Variants in DPY19L2 observed in about 807,000 individuals in gnomAD.
DPY19L2 encodes dpy-19 like 2, also known as probable C-mannosyltransferase DPY19L2.
In DPY19L2, 34 loss-of-function variants were observed where a neutral mutation model predicts 97.9. That is an observed-to-expected ratio of 0.35 (90% CI 0.26 to 0.46). The LOEUF (loss-of-function observed/expected upper bound fraction) is 0.46, where lower values mean the gene tolerates loss of function less well. Among genes scored for constraint, DPY19L2 ranks in the 20% least tolerant of loss-of-function variants. DPY19L2 has a pLI of 1.00. For missense variants in DPY19L2, 623 were observed against 911.4 expected (o/e 0.68, Z 4.07); for synonymous variants, 230 against 307.9 (o/e 0.75, Z 2.65).
intron 16 of DPY19L2, among the ~76,000 whole-genome samples, chr12:63,584,903 T>A (rs899800962): frequency 3.3e-5 from 5 of 152,100 alleles, no homozygotes; most frequent in Non-Finnish European, 7.4e-5. Flanking sequence ...GAAGAAAAAA[T>A]TAATGTTAGT....
intron 19 of DPY19L2, 56 bp from the exon 20 acceptor site, chr12:63,570,913 G>A (rs1878718186): frequency 1.3e-6 from 2 of 1,559,978 alleles, no homozygotes; most frequent in African/African-American, 2.8e-5. Context: ...AAAATCAGAA[G>A]TTAAACTTAC....
chr12:63,663,786 T>C lies in DPY19L2; in HGVS notation c.422A>G (p.Glu141Gly). 1.2e-6 allele frequency: 2 copies of C among 1,604,510 alleles called. 1 individual carries two copies. The highest frequency in any genetic ancestry group is 1.7e-6 in the Non-Finnish European group (2 of 1,177,686). Reference protein sequence around the residue: ...DRHFSHLSSLEREMTFRTEMG... With the variant: ...DRHFSHLSSLGREMTFRTEMG... ...TTCAGTGCGAAAAGTCATCTCCCGTTCCAAAGATGAGAGGTGAGAGAAATG... is the reference window on the plus strand; with the variant it reads ...TTCAGTGCGAAAAGTCATCTCCCGTCCCAAAGATGAGAGGTGAGAGAAATG... Residue 141 changes from glutamate to glycine, a missense_variant, in exon 3 of 22, where the codon GAA (glutamate) becomes GGA (glycine). By Grantham distance (98) the Glu-to-Gly change is moderately conservative. Around this residue, in one of 6 missense-constraint regions of DPY19L2, gnomAD observed 84 missense variants for 125.4 expected, o/e 0.67. Transcript: ENST00000324472.
rs1336711244 is a variant in DPY19L2, at chr12:63,583,792, G to A, written c.1605+20C>T. On this transcript the variant is annotated intron_variant, in intron 17 of 21. Coordinates refer to ENST00000324472, the MANE Select transcript of DPY19L2 (RefSeq NM_173812.5). ...CAATTTAATACACAAGTCTACCAGA[G>A]ATTAAAATGAAAGCTTTACCTCACT... is the stretch of plus-strand genomic sequence containing the variant. The A allele has an allele frequency of 7.5e-6, 12 of 1,608,822 alleles. No individual in the cohort carries two copies. The highest frequency in any genetic ancestry group is 1.0e-5 in the Non-Finnish European group (12 of 1,176,792).
intron 9 of DPY19L2, chr12:63,620,169 C>G (rs1332485705): frequency 8.8e-5 from 27 of 306,990 alleles, no homozygotes; most frequent in Non-Finnish European, 1.7e-4. Flanking sequence ...CATCAAAATT[C>G]TCCATTTACT....
At chr12:63,653,535 G>A (rs1377722760) in intron 4 of DPY19L2, among the ~76,000 whole-genome samples, 17 of 152,012 alleles carry the variant, frequency 1.1e-4, no homozygotes, top group Non-Finnish European at 1.9e-4. Flanking sequence ...GCGACAGAGT[G>A]AGATCCTGTC....
Position 63,629,914 on chromosome 12 carries a change from A to G in DPY19L2, c.804-3388T>C, listed in dbSNP as rs1210509436. Among the ~76,000 whole-genome samples the G allele has an allele frequency of 2.0e-5, 3 of 152,200 alleles. No individual in the cohort carries two copies. The East Asian group carries it at 5.8e-4, about 29-fold the overall frequency. On this transcript the variant is annotated intron_variant, in intron 6 of 21. Transcript: ENST00000324472. ...AGAAGAGAGTGGGGGCCAATATTCA[A>G]CATTCTTAAAGAAAAGAATTTTCAA...
At chr12:63,571,693 T>C (rs1051632528) in intron 19 of DPY19L2, among the ~76,000 whole-genome samples, 8 of 152,174 alleles carry the variant, frequency 5.3e-5, no homozygotes, top group South Asian at 2.1e-4. Flanking sequence ...ATACATGCCA[T>C]GAAATCATTT....
intron 1 of DPY19L2, chr12:63,666,521 AGCCTGTGCCC>A (rs1374851889): frequency 1.3e-5 from 6 of 446,924 alleles, no homozygotes; most frequent in African/African-American, 4.0e-5. Flanking sequence ...CTGCAAACGC[AGCCTGTGCCC>A]GTTTGGTTGG....
At chr12:63,667,526 A>G (rs567918990) in intron 1 of DPY19L2, among the ~76,000 whole-genome samples, 17 of 152,192 alleles carry the variant, frequency 1.1e-4, no homozygotes, top group Non-Finnish European at 1.6e-4. Flanking sequence ...TATCAATCTC[A>G]CCTCTGAAGG....
At chr12:63,596,436 C>T (rs1460759530) in intron 14 of DPY19L2, among the ~76,000 whole-genome samples, 1 of 152,098 alleles carries the variant, frequency 6.6e-6, no homozygotes, top group African/African-American at 2.4e-5. Context: ...AGAAAGAACG[C>T]TAACCAAAGT....
chr12:63,617,215 G>C (rs1353081890), intron 11 of DPY19L2, 89 bp downstream of exon 11: 6 of 695,612 alleles, frequency 8.6e-6, no homozygotes, highest in Non-Finnish European at 1.5e-5. Context: ...TCAGGAAAGG[G>C]CCTATTTATT....
At chr12:63,654,358 A>G (rs991110447) in intron 4 of DPY19L2, among the ~76,000 whole-genome samples, 1 of 152,174 alleles carries the variant, frequency 6.6e-6, no homozygotes, top group Non-Finnish European at 1.5e-5. Context: ...AAATCAAAAT[A>G]TAACTCTAAA....
rs1182733096 is a variant in DPY19L2 at position 63,592,670 on chromosome 12, TAA to T, written c.1580+1415_1580+1416del. ...GGATTAAAGACTTAAACGTTAGACC[TAA>T]AACCATAAAAACCCTAGAAGAAAAC... On this transcript the variant is annotated intron_variant, in intron 16 of 21. Coordinates refer to ENST00000324472, the MANE Select transcript of DPY19L2 (RefSeq NM_173812.5). Among the ~76,000 whole-genome samples the T allele has an allele frequency of 3.4e-5, 5 of 146,306 alleles. 1 individual carries two copies. Among genetic ancestry groups the T allele is most frequent in the African/African-American group, 1.3e-4 (5 of 39,854 alleles).
chr12:63,656,122 T>C (rs142763835), intron 4 of DPY19L2, among the ~76,000 whole-genome samples: 3 of 152,180 alleles, frequency 2.0e-5, no homozygotes, highest in Non-Finnish European at 2.9e-5. Flanking sequence ...TTTGTTGTTG[T>C]TGCTGCTGAC....
chr12:63,633,356 C>A (rs1167967781), intron 6 of DPY19L2, among the ~76,000 whole-genome samples: 1 of 151,974 alleles, frequency 6.6e-6, no homozygotes, highest in Non-Finnish European at 1.5e-5. Context: ...TGAACTCAAA[C>A]AAATTTACAA....
chr12:63,602,618 TGAAAAATGAA>T (rs1885371025), intron 12 of DPY19L2, among the ~76,000 whole-genome samples: 2 of 152,194 alleles, frequency 1.3e-5, no homozygotes. Context: ...AGTAGAACTA[TGAAAAATGAA>T]GAAAAATTCC....
At chr12:63,633,919 T>A (rs1031649507) in intron 6 of DPY19L2, among the ~76,000 whole-genome samples, 3 of 152,140 alleles carry the variant, frequency 2.0e-5, no homozygotes, top group Non-Finnish European at 4.4e-5. Context: ...TGTAGGGACA[T>A]GGATGAAGCT....
At chr12:63,644,875 G>A (rs1271832369) in intron 5 of DPY19L2, among the ~76,000 whole-genome samples, 3 of 152,082 alleles carry the variant, frequency 2.0e-5, no homozygotes, top group African/African-American at 4.8e-5. Flanking sequence ...AGGTGATGCT[G>A]CTAGTGTTCA....
chr12:63,668,403 G>A lies in DPY19L2; in HGVS notation c.-10C>T. ...CTCCTTGTTTTCTCATAATCAAGGA[G>A]TATGGTGGAGCTGGGTCAATTTCAG... On this transcript the variant is annotated 5_prime_UTR_variant, in exon 1 of 22. Transcript: ENST00000324472. The A allele has an allele frequency of 6.3e-7, 1 of 1,594,792 alleles. No individual in the cohort carries two copies. The highest frequency in any genetic ancestry group is 8.5e-7 in the Non-Finnish European group (1 of 1,170,870).
Sources: gnomAD v4.1 joint callset for allele counts (sites outside exome capture counted in the v4.1 genomes callset) on GRCh38, gnomAD v4.1.1 for gene constraint, gnomAD v4.1.1 regional missense constraint, MANE v1.5 for transcripts, NCBI Gene and HGNC (gene_info 2026-07-23, HGNC 2026-07-21) for gene names.